The following NBEA variants were observed in gnomAD, a reference collection of about 807,000 sequenced individuals.
NBEA encodes the protein lysosomal-trafficking regulator 2.
Under a neutral mutation model 343.4 loss-of-function variants are expected in NBEA, and 44 were observed. The ratio of observed to expected loss-of-function variants is 0.13; its 90% confidence interval spans 0.10 to 0.16. NBEA has a LOEUF of 0.16. Among genes scored for constraint, NBEA ranks in the 10% least tolerant of loss-of-function variants. The pLI, the probability that NBEA is intolerant of heterozygous loss-of-function variation, is 1.00. For missense variants in NBEA, 2,555 were observed against 3,631.3 expected (o/e 0.70, Z 7.62); for synonymous variants, 1,175 against 1,238.7 (o/e 0.95, Z 1.08).
At position 34,944,675 on chromosome 13, in the gene NBEA, A is replaced by G. The variant is rs535287553; in HGVS notation, c.294+1561A>G. Among the ~76,000 whole-genome samples, 4 of 150,650 alleles carry G rather than the reference A, an allele frequency of 2.7e-5. No homozygotes were observed. In the South Asian group the frequency reaches 8.4e-4, roughly 32 times the overall value. The stretch of plus-strand genomic sequence containing the variant: ...GGTCAGTACTTGCCATTTCTTTTTA[A>G]AAGAAGATAAATCTCAAACTGTTAG... On this transcript the variant is annotated intron_variant, in intron 1 of 58. Coordinates refer to ENST00000379939, the MANE Select transcript of NBEA (RefSeq NM_001385012.1).
chr13:35,647,166 A>T (rs2084275537), intron 51 of NBEA, among the ~76,000 whole-genome samples: 1 of 152,258 alleles, frequency 6.6e-6, no homozygotes, highest in Admixed American at 6.5e-5. Context: ...GCAAATAGTA[A>T]ACATTTTCTT....
chr13:35,185,456 T>C (rs1349764029), intron 30 of NBEA: 1 of 152,100 alleles, frequency 6.6e-6, no homozygotes, highest in Non-Finnish European at 1.5e-5. Flanking sequence ...CATGATGAAA[T>C]GAAGGGAAAA....
chr13:34,967,581 T>C (rs1373204199), intron 1 of NBEA, among the ~76,000 whole-genome samples: 2 of 151,978 alleles, frequency 1.3e-5, no homozygotes, highest in East Asian at 1.9e-4. Flanking sequence ...TGTAAATACA[T>C]AAATCGGTAG....
intron 1 of NBEA, among the ~76,000 whole-genome samples, chr13:34,960,584 A>G (rs1348920071): frequency 6.6e-6 from 1 of 152,012 alleles, no homozygotes; most frequent in African/African-American, 2.4e-5. Flanking sequence ...CAGGTGTACC[A>G]TGTTTTATCT....
chr13:35,597,839 G>T (rs1055603900), intron 47 of NBEA, among the ~76,000 whole-genome samples: 7 of 152,230 alleles, frequency 4.6e-5, no homozygotes, highest in Middle Eastern at 3.4e-3. Context: ...AAGTCATGGG[G>T]CCCTCCCAGA....
rs57337846 is a variant in NBEA at position 35,225,160 on chromosome 13, G to A, written c.5649-7332G>A. On this transcript the variant is annotated intron_variant, in intron 33 of 58. Transcript: ENST00000379939. ...TCTGTTACTGGGTGCTTGCAAGCCT[G>A]GTGTTCAAGGGTTCTCTTTTGTCCT... 6.4e-3 allele frequency among the ~76,000 whole-genome samples: 970 copies of A among 152,170 alleles called. 10 individuals carry two copies. The highest frequency in any genetic ancestry group is 0.022 in the African/African-American group (929 of 41,508).
chr13:35,420,067 A>G (rs1447770178), intron 38 of NBEA, among the ~76,000 whole-genome samples: 2 of 152,020 alleles, frequency 1.3e-5, no homozygotes, highest in African/African-American at 2.4e-5. Flanking sequence ...TTATCTGCAT[A>G]TAGGGACAAT....
intron 1 of NBEA, among the ~76,000 whole-genome samples, chr13:35,018,055 G>C (rs1306718683): frequency 6.6e-6 from 1 of 151,826 alleles, no homozygotes; most frequent in Non-Finnish European, 1.5e-5. Flanking sequence ...AATTTATGTG[G>C]GTTTATTTGT....
intron 38 of NBEA, among the ~76,000 whole-genome samples, chr13:35,359,189 A>G (rs1424700539): frequency 6.6e-6 from 1 of 152,218 alleles, no homozygotes; most frequent in East Asian, 1.9e-4. Flanking sequence ...GTGAAGACAC[A>G]TATGCAGGAT....
chr13:35,224,881 G>A (rs182438225), intron 33 of NBEA, among the ~76,000 whole-genome samples: 4 of 152,060 alleles, frequency 2.6e-5, no homozygotes, highest in African/African-American at 9.7e-5. Flanking sequence ...AAATGGGTCT[G>A]CCTCTCCTTA....
At chr13:35,311,613 G>A (rs928166605) in intron 36 of NBEA, among the ~76,000 whole-genome samples, 1 of 152,128 alleles carries the variant, frequency 6.6e-6, no homozygotes, top group Non-Finnish European at 1.5e-5. Context: ...CAGCACTTTG[G>A]GAGGCCAAGT....
In NBEA at chr13:35,567,602, G is replaced by A. The variant is rs183915110; in HGVS notation, c.7035+585G>A. Among the ~76,000 whole-genome samples the A allele has an allele frequency of 4.8e-3, 726 of 152,254 alleles. 4 individuals carry two copies. Among genetic ancestry groups the A allele is most frequent in the Non-Finnish European group, 8.8e-3 (598 of 68,000 alleles). Reference sequence around the variant, plus strand: ...TGTTTGAAATTCAGTGAAGAACTGGGAACTAAGCCCAAAAAGCTGCTCTAT... The same window carrying A: ...TGTTTGAAATTCAGTGAAGAACTGGAAACTAAGCCCAAAAAGCTGCTCTAT... On this transcript the variant is annotated intron_variant, in intron 45 of 58. Coordinates refer to ENST00000379939, the MANE Select transcript of NBEA (RefSeq NM_001385012.1).
chr13:35,179,861 G>T, intron 28 of NBEA: 2 of 846,270 alleles, frequency 2.4e-6, no homozygotes, highest in South Asian at 5.4e-5. Context: ...TTAGGCATTT[G>T]ATTTCTTCAC....
intron 8 of NBEA, among the ~76,000 whole-genome samples, chr13:35,066,224 G>A (rs1348133741): frequency 6.6e-6 from 1 of 152,112 alleles, no homozygotes; most frequent in Non-Finnish European, 1.5e-5. Context: ...GCCTCCCAAA[G>A]TGTTGTGATT....
chr13:34,969,262 C>A (rs566655485), intron 1 of NBEA, among the ~76,000 whole-genome samples: 44 of 151,682 alleles, frequency 2.9e-4, no homozygotes, highest in Non-Finnish European at 2.8e-4. Context: ...AGAAATTCGA[C>A]ACTTACTGCT....
chr13:35,157,411 T>A (rs911545939), intron 21 of NBEA, 141 bp downstream of exon 21: 2 of 633,776 alleles, frequency 3.2e-6, no homozygotes, highest in South Asian at 8.8e-5. Context: ...TTTCCCTCAT[T>A]GTTCATAGAC....
intron 1 of NBEA, among the ~76,000 whole-genome samples, chr13:34,986,342 GT>G (rs1295959953): frequency 5.3e-5 from 8 of 150,880 alleles, no homozygotes; most frequent in South Asian, 2.1e-4. Context: ...TAGTTGTGCG[GT>G]TTTGAGTGAG....
At chr13:35,455,410 AAG>A (rs978387381) in intron 40 of NBEA, among the ~76,000 whole-genome samples, 3 of 145,162 alleles carry the variant, frequency 2.1e-5, no homozygotes, top group Admixed American at 6.7e-5. Flanking sequence ...AAAAAAAAAA[AAG>A]AAGAAGAGAA....
chr13:35,179,871 C>G (rs2071191635), intron 28 of NBEA: 1 of 775,520 alleles, frequency 1.3e-6, no homozygotes, highest in African/African-American at 1.9e-5. Context: ...GATTTCTTCA[C>G]TTCTCTCTGT....
Sources: allele counts gnomAD v4.1 joint callset (sites outside exome capture counted in the v4.1 genomes callset), GRCh38; gene constraint gnomAD v4.1.1; transcripts MANE v1.5; gene names NCBI Gene and HGNC (gene_info 2026-07-23, HGNC 2026-07-21).